The following SSH2 variants were observed in gnomAD, a reference collection of about 807,000 sequenced individuals.
SSH2 encodes protein phosphatase Slingshot homolog 2.
Under a neutral mutation model 135.2 loss-of-function variants are expected in SSH2, and 37 were observed. The observed-to-expected ratio is 0.27, with a 90% CI of 0.21 to 0.36. The LOEUF is 0.36. SSH2 is among the 10% of genes least tolerant of loss of function. The pLI, the probability that SSH2 is intolerant of heterozygous loss-of-function variation, is 1.00. For missense variants in SSH2, 1,408 were observed against 1,765.3 expected (o/e 0.80, Z 3.63); for synonymous variants, 628 against 646.2 (o/e 0.97, Z 0.43).
At chr17:29,794,035 G>C in intron 2 of SSH2, 98 bp from the exon 3 acceptor site, 2 of 942,318 alleles carry the variant, frequency 2.1e-6, no homozygotes, top group Non-Finnish European at 3.3e-6. Flanking sequence ...TTGTGTACTT[G>C]AACTAAATTA....
chr17:29,632,933 T>C lies in SSH2; in HGVS notation c.2263-2A>G. 1.3e-6 allele frequency: 2 copies of C among 1,590,766 alleles called. No homozygotes were observed. The highest frequency in any genetic ancestry group is 1.7e-6 in the Non-Finnish European group (2 of 1,168,408). On this transcript the variant is annotated splice_acceptor_variant, in intron 15 of 15. Transcript: ENST00000540801. LOFTEE classifies it high-confidence loss of function. ...TGGGCTGACCAGTTCTGAAATTGCCTAAGAAGAGAAAGTAGTGAGAAGATT... is the reference window on the plus strand; with the variant it reads ...TGGGCTGACCAGTTCTGAAATTGCCCAAGAAGAGAAAGTAGTGAGAAGATT...
At chr17:29,729,574 A>G (rs1474580435) in intron 3 of SSH2, among the ~76,000 whole-genome samples, 1 of 152,200 alleles carries the variant, frequency 6.6e-6, no homozygotes, top group Non-Finnish European at 1.5e-5. Context: ...ATAAAAAGAG[A>G]TATCTGTACT....
intron 1 of SSH2, among the ~76,000 whole-genome samples, chr17:29,922,808 A>T (rs764120809): frequency 6.6e-6 from 1 of 152,268 alleles, no homozygotes; most frequent in Non-Finnish European, 1.5e-5. Context: ...GAGAATATCC[A>T]GTGTAAATAC....
intron 3 of SSH2, among the ~76,000 whole-genome samples, chr17:29,744,299 C>T (rs538633812): frequency 5.9e-5 from 9 of 152,138 alleles, no homozygotes; most frequent in African/African-American, 1.9e-4. Flanking sequence ...TGAGTCCTGC[C>T]GATGCCCAAG....
At chr17:29,888,462 G>T (rs1204404168) in intron 1 of SSH2, among the ~76,000 whole-genome samples, 2 of 152,266 alleles carry the variant, frequency 1.3e-5, no homozygotes, top group East Asian at 3.9e-4. Context: ...GGAGTTTTAT[G>T]TATGAGACTT....
At chr17:29,647,852 G>T (rs533064007) in intron 14 of SSH2, 5 of 312,108 alleles carry the variant, frequency 1.6e-5, no homozygotes, top group Non-Finnish European at 3.1e-5. Flanking sequence ...AAGTAGAGAC[G>T]GGGTTTCACC....
intron 3 of SSH2, among the ~76,000 whole-genome samples, chr17:29,768,904 G>A (rs2041507940): frequency 6.6e-6 from 1 of 152,080 alleles, no homozygotes; most frequent in Non-Finnish European, 1.5e-5. Context: ...CATTCAGTGT[G>A]TGTCAGGTGC....
intron 5 of SSH2, among the ~76,000 whole-genome samples, chr17:29,690,882 C>A (rs913750009): frequency 6.6e-6 from 1 of 151,722 alleles, no homozygotes; most frequent in East Asian, 1.9e-4. Context: ...ATCACATTTT[C>A]GTAGAAACAA....
chr17:29,805,137 A>C (rs1567984820), intron 2 of SSH2, among the ~76,000 whole-genome samples: 1 of 150,012 alleles, frequency 6.7e-6, no homozygotes, highest in African/African-American at 2.4e-5. Flanking sequence ...CATGCCTATA[A>C]ATTATTATTA....
chr17:29,778,113 A>G (rs2041750506), intron 3 of SSH2, among the ~76,000 whole-genome samples: 1 of 152,196 alleles, frequency 6.6e-6, no homozygotes, highest in African/African-American at 2.4e-5. Flanking sequence ...GAACTGAATT[A>G]TGGGATACAT....
chr17:29,897,065 A>G (rs1827515612), intron 1 of SSH2, among the ~76,000 whole-genome samples: 1 of 151,994 alleles, frequency 6.6e-6, no homozygotes, highest in South Asian at 2.1e-4. Context: ...AGAGGAATAA[A>G]TAACTCACTT....
intron 3 of SSH2, among the ~76,000 whole-genome samples, chr17:29,791,711 G>A (rs2042068346): frequency 6.6e-6 from 1 of 152,082 alleles, no homozygotes; most frequent in African/African-American, 2.4e-5. Context: ...TTTAGAAATA[G>A]CTTGGCAAAC....
At chr17:29,667,840 C>T (rs1227591615) in intron 9 of SSH2, among the ~76,000 whole-genome samples, 1 of 152,180 alleles carries the variant, frequency 6.6e-6, no homozygotes, top group African/African-American at 2.4e-5. Flanking sequence ...CAACGCTCAG[C>T]CTAGCCTAAT....
chr17:29,842,290 C>A (rs1308496545), intron 2 of SSH2, among the ~76,000 whole-genome samples: 1 of 151,722 alleles, frequency 6.6e-6, no homozygotes, highest in East Asian at 1.9e-4. Context: ...CCTGTCTCTA[C>A]TAAAAATACA....
chr17:29,720,833 AG>A (rs2039798498), intron 3 of SSH2, among the ~76,000 whole-genome samples: 1 of 152,336 alleles, frequency 6.6e-6, no homozygotes, highest in Non-Finnish European at 1.5e-5. Flanking sequence ...GTCAAAGAAA[AG>A]GGAAAAGAGA....
intron 6 of SSH2, among the ~76,000 whole-genome samples, chr17:29,678,709 A>C (rs1017554304): frequency 7.7e-5 from 4 of 52,096 alleles, no homozygotes; most frequent in African/African-American, 3.2e-4. Flanking sequence ...TAAAAATACT[A>C]TTTCTTTTTT....
At chr17:29,894,514 C>T (rs1232000656) in intron 1 of SSH2, among the ~76,000 whole-genome samples, 4 of 152,106 alleles carry the variant, frequency 2.6e-5, no homozygotes, top group Non-Finnish European at 5.9e-5. Flanking sequence ...ACGATACCTA[C>T]TTCGATGTAA....
At chr17:29,778,360 A>G (rs2041756186) in intron 3 of SSH2, among the ~76,000 whole-genome samples, 1 of 152,026 alleles carries the variant, frequency 6.6e-6, no homozygotes, top group Non-Finnish European at 1.5e-5. Flanking sequence ...TGTAGCCTGG[A>G]TGGGCGTGGT....
At chr17:29,789,040 G>A (rs561545685) in intron 3 of SSH2, among the ~76,000 whole-genome samples, 1 of 152,340 alleles carries the variant, frequency 6.6e-6, no homozygotes, top group African/African-American at 2.4e-5. Context: ...TTGTTATAAA[G>A]TGGCAAAGAA....
Sources: allele counts gnomAD v4.1 joint callset (sites outside exome capture counted in the v4.1 genomes callset), GRCh38; gene constraint gnomAD v4.1.1; transcripts MANE v1.5; gene names NCBI Gene and HGNC (gene_info 2026-07-23, HGNC 2026-07-21).